The following ZNF407 variants were observed in gnomAD, a reference collection of about 807,000 sequenced individuals.
ZNF407 encodes the protein zinc finger protein 407.
Under a neutral mutation model 131.2 loss-of-function variants are expected in ZNF407, and 17 were observed. That is an observed-to-expected ratio of 0.13 (90% CI 0.09 to 0.19). The LOEUF (loss-of-function observed/expected upper bound fraction) is 0.19, where lower values mean the gene tolerates loss of function less well. ZNF407 is among the 10% of genes least tolerant of loss of function. The probability of loss-of-function intolerance (pLI) is 1.00; values close to 1 mark genes in which losing one functional copy is unlikely to be tolerated. For synonymous variants in ZNF407, 1,156 were observed against 1,062.0 expected, an observed-to-expected ratio of 1.09 and a Z score of -1.72; for missense variants, 2,681 against 2,830.6, an observed-to-expected ratio of 0.95 and a Z score of 1.20.
At chr18:74,840,037 A>G (rs1211338326) in intron 4 of ZNF407, among the ~76,000 whole-genome samples, 1 of 152,060 alleles carries the variant, frequency 6.6e-6, no homozygotes, top group Admixed American at 6.6e-5. Flanking sequence ...TTAGGCAGAG[A>G]TCTGAGATTC....
At chr18:74,715,144 C>T (rs1458265621) in intron 3 of ZNF407, among the ~76,000 whole-genome samples, 4 of 152,186 alleles carry the variant, frequency 2.6e-5, no homozygotes, top group Admixed American at 2.6e-4. Flanking sequence ...TACAGTATCC[C>T]CTTTTCCTGG....
intron 8 of ZNF407, among the ~76,000 whole-genome samples, chr18:74,958,616 C>T (rs549850205): frequency 6.6e-6 from 1 of 152,310 alleles, no homozygotes; most frequent in Non-Finnish European, 1.5e-5. Context: ...ACCTGAGACA[C>T]AAGCTATGCA....
At chr18:74,998,082 C>A (rs549938588) in intron 8 of ZNF407, among the ~76,000 whole-genome samples, 1 of 152,106 alleles carries the variant, frequency 6.6e-6, no homozygotes, top group East Asian at 1.9e-4. Flanking sequence ...CCAGTGGGAC[C>A]GCTGCACCCA....
chr18:75,041,415 A>C (rs1426846716), intron 8 of ZNF407, among the ~76,000 whole-genome samples: 2 of 152,166 alleles, frequency 1.3e-5, no homozygotes, highest in African/African-American at 2.4e-5. Flanking sequence ...ACACACATGC[A>C]CTTTCCGTCT....
intron 3 of ZNF407, among the ~76,000 whole-genome samples, chr18:74,700,621 C>T (rs1291690255): frequency 6.6e-6 from 1 of 152,144 alleles, no homozygotes; most frequent in South Asian, 2.1e-4. Flanking sequence ...TTCTTCTCAG[C>T]CTTAACTTTA....
At chr18:74,709,686 C>G (rs1331627164) in intron 3 of ZNF407, among the ~76,000 whole-genome samples, 1 of 152,210 alleles carries the variant, frequency 6.6e-6, no homozygotes, top group Non-Finnish European at 1.5e-5. Context: ...TGACCCAATA[C>G]AGTTCAGTGA....
At chr18:74,886,086 T>C (rs936550700) in intron 6 of ZNF407, among the ~76,000 whole-genome samples, 4 of 152,254 alleles carry the variant, frequency 2.6e-5, no homozygotes, top group African/African-American at 9.6e-5. Flanking sequence ...AAATAATTTT[T>C]ATCCAGAATA....
intron 8 of ZNF407, among the ~76,000 whole-genome samples, chr18:74,983,048 C>A (rs534981716): frequency 6.2e-4 from 95 of 152,248 alleles, no homozygotes; most frequent in African/African-American, 2.2e-3. Context: ...TGATGTTTTT[C>A]AAAAACCAAG....
chr18:74,915,637 T>C (rs1265611768), intron 7 of ZNF407, among the ~76,000 whole-genome samples: 13 of 123,586 alleles, frequency 1.1e-4, no homozygotes, highest in Non-Finnish European at 1.5e-4. Flanking sequence ...TGTGTGTGTG[T>C]GCGTGCATGT....
chr18:75,057,837 A>C (rs1490287214), intron 8 of ZNF407, among the ~76,000 whole-genome samples: 1 of 152,198 alleles, frequency 6.6e-6, no homozygotes. Context: ...TGTTTACTGC[A>C]AAATTTTTTA....
intron 4 of ZNF407, among the ~76,000 whole-genome samples, chr18:74,792,871 C>T (rs1969851664): frequency 6.6e-6 from 1 of 152,134 alleles, no homozygotes; most frequent in Non-Finnish European, 1.5e-5. Flanking sequence ...CACAAAGACA[C>T]GTCAATTGTG....
chr18:74,822,428 A>G (rs1970353700), intron 4 of ZNF407, among the ~76,000 whole-genome samples: 1 of 152,086 alleles, frequency 6.6e-6, no homozygotes, highest in African/African-American at 2.4e-5. Flanking sequence ...ATTCATCTTG[A>G]GTTAATTTTT....
chr18:74,612,847 G>A (rs1015509823), intron 1 of ZNF407, among the ~76,000 whole-genome samples: 1 of 152,198 alleles, frequency 6.6e-6, no homozygotes, highest in Non-Finnish European at 1.5e-5. Context: ...AGGGTCAGAG[G>A]AAGAAGACAA....
intron 8 of ZNF407, among the ~76,000 whole-genome samples, chr18:75,033,925 T>C (rs954041943): frequency 3.3e-5 from 5 of 152,258 alleles, no homozygotes; most frequent in Admixed American, 6.5e-5. Context: ...TTATGATTAA[T>C]ATTTATAGTG....
At chr18:74,636,163 G>A (rs2144679305) in intron 2 of ZNF407, among the ~76,000 whole-genome samples, 1 of 152,120 alleles carries the variant, frequency 6.6e-6, no homozygotes, top group East Asian at 1.9e-4. Context: ...ATATCCAAAA[G>A]TGTAACTTCC....
chr18:74,792,797 C>T (rs1215861154), intron 4 of ZNF407, among the ~76,000 whole-genome samples: 2 of 152,058 alleles, frequency 1.3e-5, no homozygotes, highest in Admixed American at 6.6e-5. Flanking sequence ...TTAAAACTTA[C>T]GTGGAACATA....
At chr18:74,968,956 C>T (rs1972440574) in intron 8 of ZNF407, among the ~76,000 whole-genome samples, 1 of 152,090 alleles carries the variant, frequency 6.6e-6, no homozygotes, top group South Asian at 2.1e-4. Flanking sequence ...GCATTTTGTT[C>T]CAGCCGGCTT....
rs1332618687 is a variant in ZNF407 at position 74,755,955 on chromosome 18, C to T, written c.4803-25473C>T. On this transcript the variant is annotated intron_variant, in intron 3 of 8. Transcript: ENST00000299687. ...GTTGCCCAGGCTGGAGTGCAGTGGCCCTATCTCAGCTCATGGCAACCTCTG... is the reference window on the plus strand; with the variant it reads ...GTTGCCCAGGCTGGAGTGCAGTGGCTCTATCTCAGCTCATGGCAACCTCTG... 3.7e-5 allele frequency among the ~76,000 whole-genome samples: 4 copies of T among 109,398 alleles called. No individual in the cohort carries two copies. The East Asian group carries it at 1.3e-3, about 35-fold the overall frequency. 71.8% of individuals were successfully genotyped at this position (109,398 alleles called of 152,430 possible). A position where few individuals can be genotyped will look rare whatever the true frequency, so the allele number is the denominator to read the frequency against.
chr18:74,756,603 AAC>A (rs1485679862), intron 3 of ZNF407, among the ~76,000 whole-genome samples: 1 of 152,178 alleles, frequency 6.6e-6, no homozygotes, highest in Non-Finnish European at 1.5e-5. Context: ...AGTGCATAGA[AAC>A]ACAATGCATT....
Sources: allele counts gnomAD v4.1 joint callset (sites outside exome capture counted in the v4.1 genomes callset), GRCh38; gene constraint gnomAD v4.1.1; transcripts MANE v1.5; gene names NCBI Gene and HGNC (gene_info 2026-07-23, HGNC 2026-07-21).